CUEDC1: variants seen among roughly 807,000 people sequenced by gnomAD.
The protein encoded by CUEDC1 is CUE domain containing 1.
Under a neutral mutation model 43.7 loss-of-function variants are expected in CUEDC1, and 30 were observed. The ratio of observed to expected loss-of-function variants is 0.69; its 90% CI spans 0.51 to 0.93. The LOEUF (loss-of-function observed/expected upper bound fraction) is 0.93, where lower values mean the gene tolerates loss of function less well. Among genes scored for constraint, CUEDC1 ranks in the 40% least tolerant of loss-of-function variants. The probability of loss-of-function intolerance (pLI) is 0.00; values close to 1 mark genes in which losing one functional copy is unlikely to be tolerated. For synonymous variants in CUEDC1, 223 were observed against 223.6 expected (o/e 1.00, Z 0.02); for missense variants, 486 against 549.0 (o/e 0.89, Z 1.15).
chr17:57,899,465 C>T (rs946340356), intron 1 of CUEDC1, among the ~76,000 whole-genome samples: 1 of 152,220 alleles, frequency 6.6e-6, no homozygotes, highest in African/African-American at 2.4e-5. Context: ...TTCACTTCCA[C>T]ATGGTGCATG....
At chr17:57,911,417 G>A (rs1023762060) in intron 1 of CUEDC1, among the ~76,000 whole-genome samples, 4 of 152,166 alleles carry the variant, frequency 2.6e-5, no homozygotes, top group African/African-American at 4.8e-5. Context: ...ATCACTTAGC[G>A]GCCATAATCA....
At position 57,896,490 on chromosome 17, in the gene CUEDC1, GT is replaced by G. The variant is rs1568041572; in HGVS notation, c.-315-10612del. 4.4e-3 allele frequency among the ~76,000 whole-genome samples: 388 copies of G among 88,378 alleles called. 21 individuals are homozygous for G. The highest frequency in any genetic ancestry group is 0.015 in the Middle Eastern group (3 of 200). The allele number at this position is 88,378 out of a possible 152,430, so 58.0% of individuals were successfully genotyped here. A position where few individuals can be genotyped will look rare whatever the true frequency, so the allele number is the denominator to read the frequency against. ...ACTCTACTATAGTGCATTATGGGGT[GT>G]GTGTGTGTGTGTGTGTGTGTGTGTG... On this transcript the variant is annotated intron_variant, in intron 1 of 10. Transcript: ENST00000577830.
At chr17:57,916,845 G>C (rs1274543895) in intron 1 of CUEDC1, among the ~76,000 whole-genome samples, 2 of 152,170 alleles carry the variant, frequency 1.3e-5, no homozygotes, top group African/African-American at 4.8e-5. Flanking sequence ...ATCCCACCTG[G>C]AGTGCACTGT....
chr17:57,874,401 G>A (rs187161733), intron 3 of CUEDC1, among the ~76,000 whole-genome samples: 1 of 152,228 alleles, frequency 6.6e-6, no homozygotes. Flanking sequence ...GTGGAGATGT[G>A]AGTGTGGAAG....
At chr17:57,867,112 C>A in intron 9 of CUEDC1, 2 of 579,262 alleles carry the variant, frequency 3.5e-6, no homozygotes, top group South Asian at 4.1e-5. Context: ...CAGTACCTGG[C>A]ACTTCATGCT....
At chr17:57,925,284 C>T (rs1362204792) in intron 1 of CUEDC1, among the ~76,000 whole-genome samples, 3 of 152,044 alleles carry the variant, frequency 2.0e-5, no homozygotes, top group African/African-American at 4.8e-5. Flanking sequence ...GACTAAAATC[C>T]GTGTGACTGA....
At chr17:57,867,264 C>G in intron 9 of CUEDC1, 93 bp downstream of exon 9, 1 of 1,187,224 alleles carries the variant, frequency 8.4e-7, no homozygotes, top group Non-Finnish European at 1.2e-6. Flanking sequence ...CTCCAGGGGA[C>G]AGGGCGGGTG....
intron 2 of CUEDC1, among the ~76,000 whole-genome samples, chr17:57,880,422 A>T (rs965323263): frequency 2.0e-5 from 3 of 152,198 alleles, no homozygotes; most frequent in Non-Finnish European, 2.9e-5. Context: ...TTGGACCACA[A>T]GGGTCCCTCC....
chr17:57,908,512 A>T (rs1472722441), intron 1 of CUEDC1, among the ~76,000 whole-genome samples: 1 of 152,242 alleles, frequency 6.6e-6, no homozygotes, highest in African/African-American at 2.4e-5. Flanking sequence ...GGCTAAGAGA[A>T]GCCTTGTGTG....
intron 1 of CUEDC1, among the ~76,000 whole-genome samples, chr17:57,953,890 C>T (rs79326911): frequency 6.8e-4 from 104 of 152,318 alleles, no homozygotes; most frequent in South Asian, 1.9e-3. Flanking sequence ...CTGCTGCACA[C>T]GCTCCAGCTT....
At chr17:57,921,633 G>A (rs926226562) in intron 1 of CUEDC1, among the ~76,000 whole-genome samples, 2 of 152,202 alleles carry the variant, frequency 1.3e-5, no homozygotes, top group Non-Finnish European at 2.9e-5. Flanking sequence ...GGGCTGGGGA[G>A]CTTCTGTCCC....
At chr17:57,921,841 A>T (rs1350231377) in intron 1 of CUEDC1, among the ~76,000 whole-genome samples, 1 of 152,138 alleles carries the variant, frequency 6.6e-6, no homozygotes, top group Non-Finnish European at 1.5e-5. Flanking sequence ...GGTCAGGCGC[A>T]GTGGCTCACA....
chr17:57,871,425 C>G lies in CUEDC1; in HGVS notation c.785-56G>C, dbSNP rs766865701. 2.0e-6 allele frequency: 3 copies of G among 1,465,970 alleles called. No individual in the cohort carries two copies. In the African/African-American group the frequency reaches 4.2e-5, roughly 20 times the overall value. The allele number at this position is 1,465,970 out of a possible 1,614,324, so 90.8% of individuals were successfully genotyped here. A position where few individuals can be genotyped will look rare whatever the true frequency, so the allele number is the denominator to read the frequency against. On this transcript the variant is annotated intron_variant, in intron 5 of 10. Coordinates refer to ENST00000577830, the MANE Select transcript of CUEDC1 (RefSeq NM_001271875.2). ...AGGTTAGCTCCTGGGCTCCCAGGGG[C>G]AGGCTGGGCTGGGACACGGTAGTTT...
intron 1 of CUEDC1, among the ~76,000 whole-genome samples, chr17:57,924,228 C>G (rs2074724322): frequency 6.6e-6 from 1 of 152,214 alleles, no homozygotes; most frequent in Non-Finnish European, 1.5e-5. Flanking sequence ...GCCTCAGCCT[C>G]CCAAGTAGCT....
At chr17:57,899,914 C>G (rs776118818) in intron 1 of CUEDC1, among the ~76,000 whole-genome samples, 1 of 152,102 alleles carries the variant, frequency 6.6e-6, no homozygotes, top group Non-Finnish European at 1.5e-5. Context: ...AGGCTGATAG[C>G]AGGGCCAGAT....
chr17:57,928,434 A>T (rs952604918), intron 1 of CUEDC1, among the ~76,000 whole-genome samples: 6 of 151,568 alleles, frequency 4.0e-5, no homozygotes, highest in Non-Finnish European at 5.9e-5. Flanking sequence ...CTGTAGTCCC[A>T]GCTACTCGGG....
At chr17:57,947,493 C>T (rs115671115) in intron 1 of CUEDC1, among the ~76,000 whole-genome samples, 1,660 of 152,198 alleles carry the variant, frequency 0.011, 30 homozygotes, top group African/African-American at 0.039. Context: ...ATTTGAAAAA[C>T]GAAGCGTTTT....
chr17:57,867,543 A>C (rs2073977959), intron 8 of CUEDC1, 128 bp from the exon 9 acceptor site: 3 of 798,524 alleles, frequency 3.8e-6, no homozygotes, highest in Non-Finnish European at 4.2e-6. Context: ...CTGACCCCCC[A>C]CACCCTTAGT....
chr17:57,864,357 C>T (rs1351119477), intron 10 of CUEDC1, among the ~76,000 whole-genome samples: 4 of 152,006 alleles, frequency 2.6e-5, no homozygotes, highest in Non-Finnish European at 4.4e-5. Flanking sequence ...TAAAAGAGGG[C>T]GGAGGCACTG....
Sources: gnomAD v4.1 joint callset for allele counts (sites outside exome capture counted in the v4.1 genomes callset) on GRCh38, gnomAD v4.1.1 for gene constraint, MANE v1.5 for transcripts, NCBI Gene and HGNC (gene_info 2026-07-23, HGNC 2026-07-21) for gene names.